The following RC3H1 variants were observed in gnomAD, a reference collection of about 807,000 sequenced individuals.
RC3H1 encodes the protein roquin-1.
RC3H1 carries 50 observed loss-of-function variants against 138.2 expected under a neutral mutation model. The ratio of observed to expected loss-of-function variants is 0.36; its 90% CI spans 0.29 to 0.46. The LOEUF (loss-of-function observed/expected upper bound fraction) is 0.46. Among genes scored for constraint, RC3H1 ranks in the 20% least tolerant of loss-of-function variants. RC3H1 has a pLI of 1.00. For missense variants in RC3H1, 1,031 were observed against 1,388.1 expected (o/e 0.74, Z 4.09); for synonymous variants, 462 against 489.1 (o/e 0.94, Z 0.73).
At chr1:173,970,660 C>CA (rs773645141) in intron 8 of RC3H1, 43 bp from the exon 9 acceptor site, 139 of 1,233,224 alleles carry the variant, frequency 1.1e-4, no homozygotes, top group South Asian at 2.5e-4. Context: ...TAACCCCCCA[C>CA]AAAAAAACAT....
chr1:173,961,926 T>C lies in RC3H1; in HGVS notation c.2001A>G (p.Pro667=). 6.2e-7 allele frequency: 1 copy of C among 1,613,994 alleles called. No individual in the cohort carries two copies. The highest frequency in any genetic ancestry group is 8.5e-7 in the Non-Finnish European group (1 of 1,179,956). The change falls in exon 12 of 20, where the codon CCA becomes CCG. Residue 667 remains proline, a synonymous_variant. Transcript: ENST00000367696. ...ACACTCGACGGCCATCATAGTGAGA[T>C]GGGTATATAGGTGGGTACTGCTGTG... ...TQPQQYPPIY[P]SHYDGRRVYP...
At chr1:173,993,773 A>C (rs1296647573) in intron 1 of RC3H1, among the ~76,000 whole-genome samples, 2 of 151,410 alleles carry the variant, frequency 1.3e-5, no homozygotes, top group East Asian at 3.9e-4. Flanking sequence ...TAATCCCAGC[A>C]ATTTGGGAGG....
At chr1:173,980,379 CAT>C (rs1004915735) in intron 6 of RC3H1, among the ~76,000 whole-genome samples, 1 of 150,362 alleles carries the variant, frequency 6.7e-6, no homozygotes, top group Non-Finnish European at 1.5e-5. Flanking sequence ...GCTGGAAAAA[CAT>C]ATTAACTTCC....
chr1:173,955,615 G>A (rs977706878), intron 13 of RC3H1, among the ~76,000 whole-genome samples: 17 of 151,356 alleles, frequency 1.1e-4, no homozygotes, highest in East Asian at 7.9e-4. Flanking sequence ...CACCGCGCCC[G>A]GCCAATTTAT....
chr1:173,981,013 A>G lies in RC3H1; in HGVS notation c.769-4T>C, dbSNP rs771911944. 33 of 1,612,550 alleles carry G rather than the reference A, an allele frequency of 2.0e-5. No individual in the cohort carries two copies. Among genetic ancestry groups the G allele is most frequent in the Non-Finnish European group, 2.5e-5 (29 of 1,179,030 alleles). ...AGTCTTCATCACGTTTGGTGACCTA[A>G]TAAGACACAAATAATCTCATAATGA... On this transcript the variant is annotated splice_polypyrimidine_tract_variant and splice_region_variant and intron_variant, in intron 5 of 19. Coordinates refer to ENST00000367696, the MANE Select transcript of RC3H1 (RefSeq NM_172071.4).
intron 7 of RC3H1, among the ~76,000 whole-genome samples, chr1:173,974,852 C>T (rs1308135285): frequency 6.6e-6 from 1 of 152,070 alleles, no homozygotes; most frequent in Non-Finnish European, 1.5e-5. Flanking sequence ...GGAGGCTATT[C>T]CATAATCCCC....
At chr1:173,965,243 A>G (rs1368031880) in intron 9 of RC3H1, 123 bp from the exon 10 acceptor site, 1 of 897,396 alleles carries the variant, frequency 1.1e-6, no homozygotes, top group Non-Finnish European at 1.6e-6. Flanking sequence ...ATCAGTGTGT[A>G]TATTTTGCAT....
intron 8 of RC3H1, among the ~76,000 whole-genome samples, chr1:173,971,756 C>G (rs890677009): frequency 3.3e-5 from 5 of 152,138 alleles, no homozygotes; most frequent in Admixed American, 2.6e-4. Context: ...TTAGGAAAAT[C>G]ATATCCAGAT....
intron 1 of RC3H1, among the ~76,000 whole-genome samples, chr1:173,994,293 T>C (rs1661407586): frequency 6.6e-6 from 1 of 151,596 alleles, no homozygotes; most frequent in South Asian, 2.1e-4. Flanking sequence ...CTCGGGAAGC[T>C]GAGTAAGGAG....
chr1:173,987,694 T>C (rs952257656), intron 2 of RC3H1, among the ~76,000 whole-genome samples: 1 of 152,194 alleles, frequency 6.6e-6, no homozygotes, highest in Non-Finnish European at 1.5e-5. Flanking sequence ...CCATCTTAGA[T>C]GACAGACCAA....
At chr1:173,988,850 C>T (rs1034017926) in intron 2 of RC3H1, among the ~76,000 whole-genome samples, 7 of 152,152 alleles carry the variant, frequency 4.6e-5, no homozygotes, top group Admixed American at 3.3e-4. Context: ...ATCTACTTGA[C>T]GAGGTGATTG....
intron 7 of RC3H1, among the ~76,000 whole-genome samples, chr1:173,977,176 G>A (rs1005999087): frequency 2.0e-5 from 3 of 151,836 alleles, no homozygotes; most frequent in Non-Finnish European, 2.9e-5. Context: ...CGCCCGCCTC[G>A]GCCTCCCAAA....
intron 1 of RC3H1, among the ~76,000 whole-genome samples, chr1:173,998,476 G>A (rs2103060114): frequency 6.6e-6 from 1 of 152,006 alleles, no homozygotes; most frequent in African/African-American, 2.4e-5. Flanking sequence ...TCAGTTCAAG[G>A]GTCTGACCTA....
At chr1:173,976,534 G>C (rs559050898) in intron 7 of RC3H1, among the ~76,000 whole-genome samples, 4 of 152,102 alleles carry the variant, frequency 2.6e-5, no homozygotes, top group African/African-American at 9.7e-5. Flanking sequence ...CTACATGGAA[G>C]TAATTTATGA....
chr1:174,001,005 ATT>A (rs1176247072), intron 1 of RC3H1, among the ~76,000 whole-genome samples: 1 of 152,172 alleles, frequency 6.6e-6, no homozygotes, highest in Non-Finnish European at 1.5e-5. Flanking sequence ...GATGTAAATA[ATT>A]TAATATGATT....
At chr1:173,982,177 C>T (rs559653772) in intron 5 of RC3H1, among the ~76,000 whole-genome samples, 7 of 152,144 alleles carry the variant, frequency 4.6e-5, no homozygotes, top group South Asian at 2.1e-4. Flanking sequence ...GTCAGGAGTT[C>T]GAGACCAGCC....
At chr1:173,979,443 C>T (rs1044993237) in intron 6 of RC3H1, among the ~76,000 whole-genome samples, 1 of 152,128 alleles carries the variant, frequency 6.6e-6, no homozygotes, top group African/African-American at 2.4e-5. Context: ...GTCAGGAGTT[C>T]GAAACCAGCC....
intron 1 of RC3H1, among the ~76,000 whole-genome samples, chr1:174,009,044 T>C (rs529558126): frequency 2.0e-5 from 3 of 149,926 alleles, no homozygotes; most frequent in African/African-American, 7.3e-5. Context: ...TTAGAGAACC[T>C]ACTGACTGGC....
chr1:173,946,815 T>C lies in RC3H1; in HGVS notation c.2759A>G (p.His920Arg). 6.2e-7 allele frequency: 1 copy of C among 1,611,712 alleles called. No homozygotes were observed. The highest frequency in any genetic ancestry group is 8.5e-7 in the Non-Finnish European group (1 of 1,177,766). The change falls in exon 16 of 20, where the codon CAC (histidine) becomes CGC (arginine). Residue 920 changes from histidine to arginine, a missense_variant. This residue lies in a region of RC3H1 where 716 missense variants were observed against 837.9 expected (regional missense o/e 0.85). Coordinates refer to ENST00000367696, the MANE Select transcript of RC3H1 (RefSeq NM_172071.4). ...NISDYSPYGTHGGWGASPYSP... is the reference protein window; with the variant it reads ...NISDYSPYGTRGGWGASPYSP... ...ATATGGAGAAGCTCCCCAGCCACCGTGGGTTCCATATGGACTATAATCTGT... is the reference window on the plus strand; with the variant it reads ...ATATGGAGAAGCTCCCCAGCCACCGCGGGTTCCATATGGACTATAATCTGT...
Sources: allele counts gnomAD v4.1 joint callset (sites outside exome capture counted in the v4.1 genomes callset), GRCh38; gene constraint gnomAD v4.1.1; regional missense constraint gnomAD v4.1.1; transcripts MANE v1.5; gene names NCBI Gene and HGNC (gene_info 2026-07-23, HGNC 2026-07-21).